CNTN1: variants seen among roughly 807,000 people sequenced by gnomAD.
CNTN1 encodes the protein contactin-1.
CNTN1 carries 38 observed loss-of-function variants against 126.4 expected under a neutral mutation model. The ratio of observed to expected loss-of-function variants is 0.30; its 90% CI spans 0.23 to 0.39. The LOEUF (loss-of-function observed/expected upper bound fraction) is 0.39, where lower values mean the gene tolerates loss of function less well. Ranked by LOEUF, CNTN1 falls within the 10% of genes least tolerant of loss-of-function variation. The pLI, the probability that CNTN1 is intolerant of heterozygous loss-of-function variation, is 1.00. For missense variants in CNTN1, 1,009 were observed against 1,248.4 expected (o/e 0.81, Z 2.89); for synonymous variants, 413 against 422.6 (o/e 0.98, Z 0.28).
intron 1 of CNTN1, among the ~76,000 whole-genome samples, chr12:40,839,025 A>G (rs1267993602): frequency 6.6e-6 from 1 of 152,222 alleles, no homozygotes; most frequent in African/African-American, 2.4e-5. Context: ...AGAAATCAGA[A>G]AAAACAATCC....
At chr12:40,743,096 A>G (rs553544556) in intron 1 of CNTN1, among the ~76,000 whole-genome samples, 13 of 152,058 alleles carry the variant, frequency 8.5e-5, no homozygotes, top group Admixed American at 2.0e-4. Flanking sequence ...GAAATGTCTG[A>G]GTCTTGTTGT....
chr12:40,704,830 T>G (rs1479455521), intron 1 of CNTN1, among the ~76,000 whole-genome samples: 2 of 152,180 alleles, frequency 1.3e-5, no homozygotes, highest in Non-Finnish European at 2.9e-5. Context: ...GGCTGAGAAT[T>G]TTTTTGTCTT....
At chr12:40,777,557 C>G (rs1185945178) in intron 1 of CNTN1, among the ~76,000 whole-genome samples, 1 of 151,728 alleles carries the variant, frequency 6.6e-6, no homozygotes, top group Non-Finnish European at 1.5e-5. Flanking sequence ...AAGATTCCTT[C>G]TGTAATATAC....
At chr12:40,993,072 G>A in intron 16 of CNTN1, 48 bp from the exon 17 acceptor site, 1 of 1,532,696 alleles carries the variant, frequency 6.5e-7, no homozygotes, top group Non-Finnish European at 9.0e-7. Flanking sequence ...TTATAAAAGT[G>A]ATAAGTTAAT....
At chr12:40,822,958 T>A (rs1297662072) in intron 1 of CNTN1, among the ~76,000 whole-genome samples, 1 of 152,030 alleles carries the variant, frequency 6.6e-6, no homozygotes, top group East Asian at 1.9e-4. Context: ...TGTCCACGTG[T>A]ACCCAATGTT....
At chr12:40,922,189 G>C in intron 4 of CNTN1, 67 bp from the exon 5 acceptor site, 2 of 1,373,290 alleles carry the variant, frequency 1.5e-6, no homozygotes, top group African/African-American at 1.4e-5. Flanking sequence ...TTTTAGAACT[G>C]TGTTAGCTCC....
intron 1 of CNTN1, among the ~76,000 whole-genome samples, chr12:40,743,335 G>GCAATGCAAGA (rs2136384849): frequency 6.6e-6 from 1 of 152,058 alleles, no homozygotes; most frequent in African/African-American, 2.4e-5. Context: ...AATCATGTGG[G>GCAATGCAAGA]CAATGCAAGA....
intron 23 of CNTN1, among the ~76,000 whole-genome samples, chr12:41,056,182 A>G (rs1327220110): frequency 6.6e-6 from 1 of 152,148 alleles, no homozygotes; most frequent in East Asian, 1.9e-4. Context: ...TCCAGCTATA[A>G]TAATACAAAG....
chr12:40,752,137 C>T (rs531030799), intron 1 of CNTN1, among the ~76,000 whole-genome samples: 2 of 152,168 alleles, frequency 1.3e-5, no homozygotes, highest in East Asian at 3.9e-4. Context: ...TCCTTGACAA[C>T]TGTGCACTAA....
chr12:40,870,658 A>G (rs66578805), intron 1 of CNTN1, among the ~76,000 whole-genome samples: 72,198 of 151,882 alleles, frequency 0.48, 17,916 homozygotes, highest in African/African-American at 0.63. Context: ...GGGAAAGGTT[A>G]TGGGTGAAGG....
chr12:40,968,110 C>T (rs1947372457), intron 15 of CNTN1, among the ~76,000 whole-genome samples: 1 of 151,962 alleles, frequency 6.6e-6, no homozygotes, highest in African/African-American at 2.4e-5. Flanking sequence ...CTAAGTTAAT[C>T]ACTAAAGGTC....
intron 1 of CNTN1, among the ~76,000 whole-genome samples, chr12:40,853,674 C>T (rs1403732258): frequency 6.6e-6 from 1 of 150,890 alleles, no homozygotes; most frequent in Non-Finnish European, 1.5e-5. Flanking sequence ...CTTTTTTTTC[C>T]CCCTATAGAC....
At chr12:40,877,988 CT>C (rs199626249) in intron 1 of CNTN1, among the ~76,000 whole-genome samples, 411 of 109,280 alleles carry the variant, frequency 3.8e-3, no homozygotes, top group African/African-American at 7.3e-3. Flanking sequence ...CAGTTTTTTC[CT>C]TTTTTTTTTT....
chr12:40,963,686 G>T (rs1369731373), intron 15 of CNTN1, among the ~76,000 whole-genome samples: 2 of 151,926 alleles, frequency 1.3e-5, no homozygotes, highest in Non-Finnish European at 2.9e-5. Flanking sequence ...TAGGCTTCTG[G>T]TATAAAAGTC....
At chr12:40,842,778 T>C (rs1286810228) in intron 1 of CNTN1, among the ~76,000 whole-genome samples, 1 of 152,094 alleles carries the variant, frequency 6.6e-6, no homozygotes, top group Non-Finnish European at 1.5e-5. Context: ...AAAGAGCACA[T>C]GAATTATTAA....
intron 23 of CNTN1, among the ~76,000 whole-genome samples, chr12:41,069,428 CT>C (rs1400620807): frequency 1.3e-5 from 2 of 152,060 alleles, no homozygotes; most frequent in African/African-American, 2.4e-5. Context: ...TACTGTATCT[CT>C]TTTTTTACAT....
chr12:40,906,684 G>GTTTTTTTTTTTTTTTTTTTT (rs1349048425), intron 1 of CNTN1, among the ~76,000 whole-genome samples: 2 of 123,726 alleles, frequency 1.6e-5, no homozygotes, highest in African/African-American at 3.1e-5. Context: ...TTTTTGTTTT[G>GTTTTTTTTTTTTTTTTTTTT]TTTTTTTTGA....
intron 1 of CNTN1, among the ~76,000 whole-genome samples, chr12:40,825,931 T>G (rs889329740): frequency 2.6e-5 from 4 of 152,078 alleles, no homozygotes; most frequent in African/African-American, 9.7e-5. Context: ...TCCTGAAACT[T>G]AACCAAGCAG....
chr12:40,852,956 G>C lies in CNTN1; in HGVS notation c.-76-55401G>C, dbSNP rs574589265. ...GTTTTTCAAATGATCTTGCTAAATA[G>C]TTACTGAGGTTTTTCAATAATGGCT... On this transcript the variant is annotated intron_variant, in intron 1 of 23. Transcript: ENST00000551295. Among the ~76,000 whole-genome samples, 3 of 151,296 alleles carry C rather than the reference G, an allele frequency of 2.0e-5. No homozygotes were observed. In the South Asian group the frequency reaches 6.3e-4, roughly 32 times the overall value.
Sources: allele counts gnomAD v4.1 joint callset (sites outside exome capture counted in the v4.1 genomes callset), GRCh38; gene constraint gnomAD v4.1.1; transcripts MANE v1.5; gene names NCBI Gene and HGNC (gene_info 2026-07-23, HGNC 2026-07-21).